PPIL6: variants seen among roughly 807,000 people sequenced by gnomAD.
PPIL6 encodes peptidylprolyl isomerase like 6.
In PPIL6, 39 loss-of-function variants were observed where a neutral mutation model predicts 36.8. The ratio of observed to expected loss-of-function variants is 1.06; its 90% CI spans 0.82 to 1.38. The LOEUF is 1.38. Among genes scored for constraint, PPIL6 ranks in the 40% most tolerant of loss-of-function variants. The probability of loss-of-function intolerance (pLI) is 0.00; values close to 1 mark genes in which losing one functional copy is unlikely to be tolerated. For synonymous variants in PPIL6, 123 were observed against 134.1 expected, an observed-to-expected ratio of 0.92 and a Z score of 0.57; for missense variants, 368 against 379.1, an observed-to-expected ratio of 0.97 and a Z score of 0.24.
intron 7 of PPIL6, among the ~76,000 whole-genome samples, chr6:109,393,160 AGCTG>A (rs540413766): frequency 0.013 from 1,972 of 151,948 alleles, 30 homozygotes; most frequent in Non-Finnish European, 0.018. Context: ...CGCAGCTCTA[AGCTG>A]GCTTCCTCCA....
At chr6:109,405,151 A>C (rs1772745376) in intron 6 of PPIL6, 3 of 329,346 alleles carry the variant, frequency 9.1e-6, no homozygotes, top group Non-Finnish European at 1.7e-5. Flanking sequence ...AGTTATCATA[A>C]GGCATATACC....
intron 2 of PPIL6, among the ~76,000 whole-genome samples, chr6:109,433,103 C>T (rs892033884): frequency 6.6e-5 from 10 of 151,130 alleles, no homozygotes; most frequent in African/African-American, 2.4e-4. Context: ...GTCACCCAGG[C>T]TGGAGTGCAA....
chr6:109,405,740 A>T (rs939487981), intron 6 of PPIL6, among the ~76,000 whole-genome samples: 2 of 152,114 alleles, frequency 1.3e-5, no homozygotes, highest in Non-Finnish European at 1.5e-5. Context: ...GCTACCCTGG[A>T]GCTGTTCTGA....
intron 5 of PPIL6, among the ~76,000 whole-genome samples, chr6:109,420,332 C>CAAAAAAAAA (rs564751735): frequency 1.6e-4 from 8 of 50,956 alleles, no homozygotes; most frequent in Non-Finnish European, 2.3e-4. Flanking sequence ...GACTCCATCT[C>CAAAAAAAAA]AAAAAAAAAA....
rs1049529192 is a variant in PPIL6 at position 109,408,695 on chromosome 6, C to T, written c.689-8525G>A. On this transcript the variant is annotated intron_variant, in intron 6 of 7. Transcript: ENST00000521072. ...TTTCTTTAATTATAGTCTTAGCATT[C>T]ATTCTGTTCCCCTGCATTAATTTAA... 2.0e-5 allele frequency among the ~76,000 whole-genome samples: 3 copies of T among 152,150 alleles called. No individual in the cohort carries two copies. The East Asian group carries it at 5.8e-4, about 29-fold the overall frequency.
intron 5 of PPIL6, among the ~76,000 whole-genome samples, chr6:109,426,312 C>T (rs951839422): frequency 1.3e-5 from 2 of 152,150 alleles, no homozygotes; most frequent in Admixed American, 6.6e-5. Context: ...CCCCAAAAGG[C>T]GCCCAATATT....
At chr6:109,411,796 C>T (rs1293829688) in intron 6 of PPIL6, among the ~76,000 whole-genome samples, 1 of 152,248 alleles carries the variant, frequency 6.6e-6, no homozygotes, top group East Asian at 1.9e-4. Context: ...GGGCCCGTTA[C>T]AACAGGTATC....
chr6:109,403,793 A>G (rs1307404233), intron 6 of PPIL6, among the ~76,000 whole-genome samples: 1 of 152,212 alleles, frequency 6.6e-6, no homozygotes, highest in Non-Finnish European at 1.5e-5. Flanking sequence ...GCTTAACAAA[A>G]GTGAGTTTTG....
At chr6:109,422,517 G>A (rs773936425) in intron 5 of PPIL6, among the ~76,000 whole-genome samples, 17 of 152,144 alleles carry the variant, frequency 1.1e-4, no homozygotes, top group Non-Finnish European at 1.9e-4. Flanking sequence ...TTGAGTCCAG[G>A]AGGTTGAGGC....
chr6:109,424,787 T>C (rs1582578503), intron 5 of PPIL6, among the ~76,000 whole-genome samples: 1 of 152,296 alleles, frequency 6.6e-6, no homozygotes, highest in East Asian at 1.9e-4. Flanking sequence ...ATTAGCGCCA[T>C]GACAGTTTAC....
intron 6 of PPIL6, among the ~76,000 whole-genome samples, chr6:109,400,945 C>T (rs984666940): frequency 7.2e-5 from 11 of 151,896 alleles, no homozygotes; most frequent in Admixed American, 2.0e-4. Context: ...CTGCAAGCTC[C>T]GCCTCCCGGG....
chr6:109,397,224 A>G (rs900331011), intron 7 of PPIL6, among the ~76,000 whole-genome samples: 65 of 148,148 alleles, frequency 4.4e-4, no homozygotes, highest in Non-Finnish European at 2.7e-4. Context: ...ATAGCAGAAT[A>G]GAAGGAGGGC....
chr6:109,437,998 A>G (rs1339204393), intron 1 of PPIL6, among the ~76,000 whole-genome samples: 2 of 152,208 alleles, frequency 1.3e-5, no homozygotes, highest in East Asian at 1.9e-4. Flanking sequence ...AATGTATGCA[A>G]TATTTGTTCC....
intron 5 of PPIL6, among the ~76,000 whole-genome samples, chr6:109,420,332 CAAAAAAAAAAAAA>C (rs564751735): frequency 1.2e-4 from 6 of 50,952 alleles, no homozygotes; most frequent in Admixed American, 2.8e-4. Flanking sequence ...GACTCCATCT[CAAAAAAAAAAAAA>C]AAAAAAAAAA....
intron 6 of PPIL6, among the ~76,000 whole-genome samples, chr6:109,414,845 T>A (rs1773176196): frequency 1.3e-5 from 2 of 152,178 alleles, no homozygotes; most frequent in Admixed American, 6.5e-5. Flanking sequence ...CTACTAATAG[T>A]CTGCAATGGA....
rs58424410 is a variant in PPIL6 at position 109,431,362 on chromosome 6, C to CAAAA, written c.232-21_232-18dup. ...TTTGAGTTCCTGTAAGGGAAAAGGA[C>CAAAA]AAAAAAAAAAAAAAACGTAAGAAGT... On this transcript the variant is annotated splice_polypyrimidine_tract_variant and intron_variant, in intron 2 of 7. Transcript: ENST00000521072. 1.9e-3 allele frequency: 2,045 copies of CAAAA among 1,074,794 alleles called. 39 individuals carry two copies. The African/African-American group carries it at 0.03, about 16-fold the overall frequency. The allele number at this position is 1,074,794 out of a possible 1,614,324, so 66.6% of individuals were successfully genotyped here. A position where few individuals can be genotyped will look rare whatever the true frequency, so the allele number is the denominator to read the frequency against.
intron 6 of PPIL6, chr6:109,405,173 C>T (rs796633559): frequency 9.3e-6 from 2 of 215,256 alleles, no homozygotes; most frequent in South Asian, 9.4e-5. Flanking sequence ...TTTTAACTAC[C>T]ACTCAGGCCA....
chr6:109,437,340 G>A (rs188244129), intron 1 of PPIL6, among the ~76,000 whole-genome samples: 2 of 152,258 alleles, frequency 1.3e-5, no homozygotes, highest in Admixed American at 1.3e-4. Flanking sequence ...AGAGGGTGCT[G>A]GCCTAGCACA....
intron 6 of PPIL6, among the ~76,000 whole-genome samples, chr6:109,406,384 C>T (rs890813538): frequency 3.9e-5 from 6 of 152,020 alleles, no homozygotes; most frequent in Non-Finnish European, 7.4e-5. Flanking sequence ...ACACATATGT[C>T]GCAATACAAC....
Sources: gnomAD v4.1 joint callset for allele counts (sites outside exome capture counted in the v4.1 genomes callset) on GRCh38, gnomAD v4.1.1 for gene constraint, MANE v1.5 for transcripts, NCBI Gene and HGNC (gene_info 2026-07-23, HGNC 2026-07-21) for gene names.